Variants in TLE5 observed in about 807,000 individuals in gnomAD.
TLE5 encodes the protein TLE family member 5.
In TLE5, 7 loss-of-function variants were observed where a neutral mutation model predicts 25.8. The ratio of observed to expected loss-of-function variants is 0.27; its 90% CI spans 0.15 to 0.51. TLE5 has a LOEUF of 0.51. Ranked by LOEUF, TLE5 falls within the 20% of genes least tolerant of loss-of-function variation. The pLI, the probability that TLE5 is intolerant of heterozygous loss-of-function variation, is 0.97. For missense variants in TLE5, 149 were observed against 250.7 expected, an observed-to-expected ratio of 0.59 and a Z score of 2.74; for synonymous variants, 132 against 110.5, an observed-to-expected ratio of 1.20 and a Z score of -1.22.
upstream of TLE5, chr19:3,062,869 T>G: frequency 6.8e-7 from 1 of 1,480,792 alleles, no homozygotes; most frequent in African/African-American, 1.4e-5. Flanking sequence ...TAGTTTCCTT[T>G]TCTGCAGAAA....
intron 2 of TLE5, among the ~76,000 whole-genome samples, chr19:3,059,260 G>A (rs542982988): frequency 1.3e-5 from 2 of 152,292 alleles, no homozygotes; most frequent in South Asian, 2.1e-4. Context: ...AGTGGCTCAC[G>A]CCTGTAATCC....
At position 3,053,700 on chromosome 19, in the gene TLE5, A is replaced by G. The variant is rs2090192775; in HGVS notation, c.*119T>C. ...GGGCCCCCGCCGGCGGCCACCATAA[A>G]TACTATGGGAGTTTAGCCAATCCCG... On this transcript the variant is annotated 3_prime_UTR_variant, in exon 7 of 7. Transcript: ENST00000327141. The G allele has an allele frequency of 2.5e-6, 3 of 1,207,756 alleles. No individual in the cohort carries two copies. Among genetic ancestry groups the G allele is most frequent in the East Asian group, 2.5e-5 (1 of 39,264 alleles). 74.8% of individuals were successfully genotyped at this position (1,207,756 alleles called of 1,614,324 possible).
chr19:3,054,144 A>G lies in TLE5; in HGVS notation c.348T>C (p.Ala116=). 2.6e-6 allele frequency: 4 copies of G among 1,515,022 alleles called. No homozygotes were observed. Among genetic ancestry groups the G allele is most frequent in the Non-Finnish European group, 3.5e-6 (4 of 1,133,554 alleles). The allele number at this position is 1,515,022 out of a possible 1,614,324, so 93.8% of individuals were successfully genotyped here. A position where few individuals can be genotyped will look rare whatever the true frequency, so the allele number is the denominator to read the frequency against. Residue 116 remains alanine (A), a synonymous_variant, in exon 6 of 7, where the codon GCT becomes GCC. Transcript: ENST00000327141. ...GAIERAKQVT[A]PELNSIIRQQ... is the part of the protein sequence containing the mutation. ...CTCGGATGATAGAGTTCAGCTCGGG[A>G]GCGGTGACCTGCTTGGCCCTCTCAA...
chr19:3,062,273 G>C lies in TLE5; in HGVS notation c.-73C>G, dbSNP rs1399664972. 4.0e-5 allele frequency: 41 copies of C among 1,021,466 alleles called. No individual in the cohort carries two copies. The highest frequency in any genetic ancestry group is 4.8e-5 in the Non-Finnish European group (41 of 853,950). 63.3% of individuals were successfully genotyped at this position (1,021,466 alleles called of 1,614,324 possible). Reference sequence around the variant, plus strand: ...GCTCGGGCTGCTGGGGGCGCCGGGCGGCCGCGCCTTTGTCCCGGCGCCGAT... The same window carrying C: ...GCTCGGGCTGCTGGGGGCGCCGGGCCGCCGCGCCTTTGTCCCGGCGCCGAT... On this transcript the variant is annotated 5_prime_UTR_variant, in exon 1 of 7. Transcript: ENST00000327141.
rs779887513 is a variant in TLE5 at position 3,053,859 on chromosome 19, C to T, written c.554G>A (p.Gly185Asp). The change falls in exon 7 of 7, where the codon GGT (glycine) becomes GAT (aspartate). Residue 185 changes from glycine (G) to aspartate (D), a missense_variant. Physicochemically the swap from Gly to Asp is moderately conservative, Grantham distance 94 (BLOSUM62 -1). Transcript: ENST00000327141. ...GCCATCATCCTCCTGGTGGGTGTCA[C>T]CATCGTGCCCGTTCTTGTCTTCCTT... Reference protein sequence around the residue: ...LSKEDKNGHDGDTHQEDDGEK... With the variant: ...LSKEDKNGHDDDTHQEDDGEK... 5 of 1,613,266 alleles carry T rather than the reference C, an allele frequency of 3.1e-6. No homozygotes were observed. In the African/African-American group the frequency reaches 5.3e-5, roughly 17 times the overall value.
chr19:3,054,264 C>T, intron 5 of TLE5, 70 bp from the exon 6 acceptor site: 1 of 1,490,450 alleles, frequency 6.7e-7, no homozygotes, highest in Non-Finnish European at 9.2e-7. Flanking sequence ...GGGGGACGGC[C>T]CTGAGGCCAG....
intron 6 of TLE5, 34 bp downstream of exon 6, chr19:3,054,086 T>TCGGGGGGGGGGGGC: frequency 1.1e-5 from 17 of 1,512,680 alleles, no homozygotes; most frequent in Non-Finnish European, 1.4e-5. Context: ...GGCCCACCTG[T>TCGGGGGGGGGGGGC]CCCCCGCCCA....
intron 3 of TLE5, chr19:3,057,452 GTC>G (rs1381534470): frequency 1.8e-6 from 1 of 555,414 alleles, no homozygotes; most frequent in Non-Finnish European, 3.2e-6. Flanking sequence ...GGCAGGGCCG[GTC>G]TGCAACCCGG....
intron 2 of TLE5, among the ~76,000 whole-genome samples, chr19:3,060,328 CTT>C (rs990199468): frequency 2.6e-4 from 24 of 93,190 alleles, no homozygotes; most frequent in Non-Finnish European, 4.1e-4. Flanking sequence ...TTTTTTCTTT[CTT>C]TTTTTTTTTT....
chr19:3,059,812 T>C (rs969540051), intron 2 of TLE5, among the ~76,000 whole-genome samples: 1 of 152,222 alleles, frequency 6.6e-6, no homozygotes, highest in Middle Eastern at 3.4e-3. Flanking sequence ...CCAGGCGGTA[T>C]CCAACCCTTC....
At chr19:3,059,340 A>C (rs2090245593) in intron 2 of TLE5, among the ~76,000 whole-genome samples, 1 of 152,014 alleles carries the variant, frequency 6.6e-6, no homozygotes, top group Admixed American at 6.6e-5. Flanking sequence ...TGGCCAACAT[A>C]ACGAAAGCCC....
rs774218921 is a variant in TLE5 at position 3,053,975 on chromosome 19, G to A, written c.438C>T (p.Pro146=). Residue 146 remains proline, a synonymous_variant, in exon 7 of 7, where the codon CCC becomes CCT. Transcript: ENST00000327141. ...QALALPLTPL[P]VGLQPPSLPA... is the part of the protein sequence containing the mutation. Reference sequence around the variant, plus strand: ...GCAGCGAAGGCGGCTGCAGCCCCACGGGTAGTGGGGTCAAGGGCAGGGCCA... The same window carrying A: ...GCAGCGAAGGCGGCTGCAGCCCCACAGGTAGTGGGGTCAAGGGCAGGGCCA... The A allele has an allele frequency of 4.5e-5, 73 of 1,610,008 alleles. No homozygotes were observed. The highest frequency in any genetic ancestry group is 1.6e-4 in the East Asian group (7 of 44,816).
intron 3 of TLE5, chr19:3,056,634 T>C (rs947117175): frequency 4.7e-6 from 3 of 640,784 alleles, no homozygotes; most frequent in Non-Finnish European, 8.7e-6. Context: ...GCCTGGCTCC[T>C]CCCCCACTCC....
In TLE5 at chr19:3,053,201, T is replaced by C. The variant is rs1351566089; in HGVS notation, c.*618A>G. Reference sequence around the variant, plus strand: ...TATTTGGGAAGGGGAGGGGGAATCCTGGGTCGCCCACCCTCACCCTGCTCC... The same window carrying C: ...TATTTGGGAAGGGGAGGGGGAATCCCGGGTCGCCCACCCTCACCCTGCTCC... On this transcript the variant is annotated 3_prime_UTR_variant, in exon 7 of 7. Transcript: ENST00000327141. 12 of 152,206 alleles carry C rather than the reference T, an allele frequency of 7.9e-5. No individual in the cohort carries two copies. The highest frequency in any genetic ancestry group is 7.9e-4 in the Admixed American group (12 of 15,274). The allele number at this position is 152,206 out of a possible 1,614,324, so 9.4% of individuals were successfully genotyped here. A position where few individuals can be genotyped will look rare whatever the true frequency, so the allele number is the denominator to read the frequency against.
intron 4 of TLE5, 143 bp from the exon 5 acceptor site, chr19:3,055,869 A>G: frequency 1.1e-6 from 1 of 885,290 alleles, no homozygotes; most frequent in Non-Finnish European, 1.7e-6. Context: ...TGGGATGAGC[A>G]AAGCCGTGTT....
At chr19:3,055,832 T>C (rs1215139005) in intron 4 of TLE5, 106 bp from the exon 5 acceptor site, 14 of 1,268,252 alleles carry the variant, frequency 1.1e-5, no homozygotes, top group Non-Finnish European at 1.5e-5. Flanking sequence ...ACTTGCGGCT[T>C]CTAAGAGGGG....
chr19:3,062,513 T>A, upstream of TLE5: 1 of 625,654 alleles, frequency 1.6e-6, no homozygotes, highest in Non-Finnish European at 2.0e-6. Context: ...GCTCGGCTGC[T>A]GCGGAGGCTT....
At position 3,054,107 on chromosome 19, in the gene TLE5, T is replaced by TC. The variant is rs759386899; in HGVS notation, c.372+12dup. ...CCTGTCCCCCGCCCACCCGCCCAGGTCCCCATACATACTCGGATGATAGAG... is the reference window on the plus strand; with the variant it reads ...CCTGTCCCCCGCCCACCCGCCCAGGTCCCCCATACATACTCGGATGATAGAG... On this transcript the variant is annotated intron_variant, in intron 6 of 6. Transcript: ENST00000327141. 22 of 362,956 alleles carry TC rather than the reference T, an allele frequency of 6.1e-5. No homozygotes were observed. The highest frequency in any genetic ancestry group is 5.6e-4 in the South Asian group (22 of 39,046). 22.5% of individuals were successfully genotyped at this position (362,956 alleles called of 1,614,324 possible).
chr19:3,061,048 G>C, intron 2 of TLE5, 112 bp downstream of exon 2: 1 of 789,786 alleles, frequency 1.3e-6, no homozygotes, highest in Admixed American at 1.9e-5. Context: ...TTAGGTCAGA[G>C]TCTAGCATAT....
Sources: allele counts gnomAD v4.1 joint callset (sites outside exome capture counted in the v4.1 genomes callset), GRCh38; gene constraint gnomAD v4.1.1; transcripts MANE v1.5; gene names NCBI Gene and HGNC (gene_info 2026-07-23, HGNC 2026-07-21).